The following DGCR8 variants were observed in gnomAD, a reference collection of about 807,000 sequenced individuals.
The protein encoded by DGCR8 is microprocessor complex subunit DGCR8.
DGCR8 carries 14 observed loss-of-function variants against 78.5 expected under a neutral mutation model. The observed-to-expected ratio is 0.18, with a 90% CI of 0.12 to 0.28. DGCR8 has a LOEUF of 0.28. Among genes scored for constraint, DGCR8 ranks in the 10% least tolerant of loss-of-function variants. The pLI is 1.00. For synonymous variants in DGCR8, 399 were observed against 402.4 expected, an observed-to-expected ratio of 0.99 and a Z score of 0.10; for missense variants, 702 against 1,022.5, an observed-to-expected ratio of 0.69 and a Z score of 4.28.
chr22:20,108,801 T>TGC, intron 12 of DGCR8, 89 bp from the exon 13 acceptor site: 15 of 851,684 alleles, frequency 1.8e-5, no homozygotes, highest in Non-Finnish European at 2.6e-5. Context: ...GCGCCTGCCT[T>TGC]CAGGGTCCCA....
chr22:20,087,335 T>C lies in DGCR8; in HGVS notation c.880+14T>C. On this transcript the variant is annotated intron_variant, in intron 3 of 13. Transcript: ENST00000351989. The surrounding 1 kb of genome is among the most constrained non-coding windows in gnomAD (Gnocchi z 4.1). ...CAGTGCTCAAAAGTACGTGTGTGGGTCAGAAGCAGTGGGTGTTCCAGGGCA... is the reference window on the plus strand; with the variant it reads ...CAGTGCTCAAAAGTACGTGTGTGGGCCAGAAGCAGTGGGTGTTCCAGGGCA... The C allele has an allele frequency of 6.3e-7, 1 of 1,589,842 alleles. No individual in the cohort carries two copies. The highest frequency in any genetic ancestry group is 1.7e-4 in the Middle Eastern group (1 of 5,970).
chr22:20,106,927 G>T lies in DGCR8; in HGVS notation c.1996+229G>T, dbSNP rs1034969298. ...TCACCCCTGTCTCCGTCCAGCCCTT[G>T]TCCCTGTGGCAGGAGGAAAGGCCCT... On this transcript the variant is annotated intron_variant, in intron 11 of 13. Transcript: ENST00000351989. The T allele has an allele frequency of 2.1e-5, 12 of 582,718 alleles. No homozygotes were observed. In the Admixed American group the frequency reaches 3.3e-4, roughly 16 times the overall value. The allele number at this position is 582,718 out of a possible 1,614,324, so 36.1% of individuals were successfully genotyped here.
At chr22:20,091,079 G>A (rs1568954858) in intron 5 of DGCR8, among the ~76,000 whole-genome samples, 1 of 152,248 alleles carries the variant, frequency 6.6e-6, no homozygotes, top group Non-Finnish European at 1.5e-5. Flanking sequence ...GGTCAGAGAG[G>A]TGGCGGGCGC....
intron 9 of DGCR8, 67 bp from the exon 10 acceptor site, chr22:20,106,110 G>A (rs1397020186): frequency 4.4e-6 from 6 of 1,364,898 alleles, no homozygotes; most frequent in South Asian, 2.4e-5. Flanking sequence ...AAAGCCAACC[G>A]CAGGCCCAGC....
At chr22:20,094,284 GTC>G (rs2049601393) in intron 8 of DGCR8, among the ~76,000 whole-genome samples, 1 of 152,168 alleles carries the variant, frequency 6.6e-6, no homozygotes. Flanking sequence ...TCCCTCTAGC[GTC>G]TCTCAGACCT....
rs543745803 is a variant in DGCR8 at position 20,109,032 on chromosome 22, C to T, written c.2238+29C>T. ...AGTGCCACCCTAGCGGGAGGGCTGCCGGGCCACGGCCATTCCTGTGGCACC... is the reference window on the plus strand; with the variant it reads ...AGTGCCACCCTAGCGGGAGGGCTGCTGGGCCACGGCCATTCCTGTGGCACC... On this transcript the variant is annotated intron_variant, in intron 13 of 13. Coordinates refer to ENST00000351989, the MANE Select transcript of DGCR8 (RefSeq NM_022720.7). 6.4e-5 allele frequency: 77 copies of T among 1,207,074 alleles called. 1 individual carries two copies. In the South Asian group the frequency reaches 7.3e-4, roughly 11 times the overall value. 74.8% of individuals were successfully genotyped at this position (1,207,074 alleles called of 1,614,324 possible). A position where few individuals can be genotyped will look rare whatever the true frequency, so the allele number is the denominator to read the frequency against.
At chr22:20,090,333 T>G (rs557013793) in intron 5 of DGCR8, 75 bp downstream of exon 5, 7 of 1,478,434 alleles carry the variant, frequency 4.7e-6, no homozygotes, top group African/African-American at 1.4e-5. Flanking sequence ...AAGGCCATAA[T>G]TGTTCATAGT....
In DGCR8 at chr22:20,089,871, TC is replaced by T; in HGVS notation, c.1023+62del. ...AAGTTCTCAGACCAAAACGTGCACA[TC>T]CACACACATGGCACCGCAGCCAAGC... is the stretch of plus-strand genomic sequence containing the variant. On this transcript the variant is annotated intron_variant, in intron 4 of 13. Transcript: ENST00000351989. The surrounding 1 kb of genome is among the most constrained non-coding windows in gnomAD (Gnocchi z 4.9). 7.5e-6 allele frequency: 12 copies of T among 1,599,970 alleles called. No individual in the cohort carries two copies. Among genetic ancestry groups the T allele is most frequent in the Non-Finnish European group, 1.0e-5 (12 of 1,170,212 alleles).
chr22:20,102,614 A>C (rs2049716848), intron 9 of DGCR8, among the ~76,000 whole-genome samples: 1 of 152,002 alleles, frequency 6.6e-6, no homozygotes. Flanking sequence ...CATTGCCCTC[A>C]CACCTTTCTC....
Position 20,110,444 on chromosome 22 carries a change from G to A in DGCR8, c.*336G>A, listed in dbSNP as rs927142558. ...TTTATGAAGGCTTTCATGAATTTTA[G>A]TATGTAATACGCACTGACGACACAT... On this transcript the variant is annotated 3_prime_UTR_variant, in exon 14 of 14. Coordinates refer to ENST00000351989, the MANE Select transcript of DGCR8 (RefSeq NM_022720.7). 7 of 292,036 alleles carry A rather than the reference G, an allele frequency of 2.4e-5. No homozygotes were observed. Among genetic ancestry groups the A allele is most frequent in the African/African-American group, 1.3e-4 (6 of 45,794 alleles). 18.1% of individuals were successfully genotyped at this position (292,036 alleles called of 1,614,324 possible).
chr22:20,093,893 C>T (rs1388159888), intron 8 of DGCR8, among the ~76,000 whole-genome samples: 1 of 152,220 alleles, frequency 6.6e-6, no homozygotes, highest in Admixed American at 6.5e-5. Flanking sequence ...CTCGCACCCA[C>T]AGGTTGATTC....
At chr22:20,093,264 G>A (rs1372677542) in intron 8 of DGCR8, among the ~76,000 whole-genome samples, 1 of 152,076 alleles carries the variant, frequency 6.6e-6, no homozygotes, top group African/African-American at 2.4e-5. Flanking sequence ...AATTAGCCGG[G>A]TGTGGTGGCG....
Position 20,090,258 on chromosome 22 carries a change from G to C in DGCR8, c.1306G>C (p.Asp436His), listed in dbSNP as rs1316326785. Residue 436 changes from aspartate (D) to histidine (H), a missense_variant and splice_region_variant, in exon 5 of 14, where the codon GAT (aspartate) becomes CAT (histidine). Asp to His is a moderately conservative substitution (Grantham distance 81). Transcript: ENST00000351989. ...CGAGGTGTGCAAAGATGAATCCGTT[G>C]GTGAGTTTTTGAAGGACTCTTCCCT... is the stretch of plus-strand genomic sequence containing the variant. ...KVEVCKDESV[D>H]LEEFRSYLEK... The C allele has an allele frequency of 6.3e-7, 1 of 1,589,026 alleles. No homozygotes were observed. The highest frequency in any genetic ancestry group is 1.4e-5 in the African/African-American group (1 of 73,436).
intron 1 of DGCR8, among the ~76,000 whole-genome samples, chr22:20,084,785 T>G (rs1281946713): frequency 6.6e-6 from 1 of 152,248 alleles, no homozygotes; most frequent in Non-Finnish European, 1.5e-5. Context: ...CTTGGCCCAT[T>G]GCCAGGGCCT....
intron 9 of DGCR8, among the ~76,000 whole-genome samples, chr22:20,104,322 G>A (rs1029699537): frequency 1.3e-5 from 2 of 152,086 alleles, no homozygotes; most frequent in Non-Finnish European, 2.9e-5. Flanking sequence ...CTGCCACCGC[G>A]CCCGGCTAAT....
At chr22:20,098,174 A>G (rs1023784009) in intron 9 of DGCR8, among the ~76,000 whole-genome samples, 4 of 151,500 alleles carry the variant, frequency 2.6e-5, no homozygotes, top group Non-Finnish European at 5.9e-5. Context: ...TATATGGGGT[A>G]GAGATGGGGT....
chr22:20,108,793 G>GCCTACCTTGCCAGACCCTGGGCACGC, intron 12 of DGCR8, 97 bp from the exon 13 acceptor site: 2 of 798,346 alleles, frequency 2.5e-6, no homozygotes, highest in Non-Finnish European at 2.2e-6. Flanking sequence ...CCCTGGGCGC[G>GCCTACCTTGCCAGACCCTGGGCACGC]CCTGCCTTCA....
chr22:20,111,088 G>A lies in DGCR8; in HGVS notation c.*980G>A, dbSNP rs1195645355. ...TTCAGTGTAGCCCATTCTTGATCCA[G>A]AGCTGTTGCCTGTGACAGCGGTTTC... On this transcript the variant is annotated 3_prime_UTR_variant, in exon 14 of 14. Transcript: ENST00000351989. 1 of 398,064 alleles carries A rather than the reference G, an allele frequency of 2.5e-6. No individual in the cohort carries two copies. The highest frequency in any genetic ancestry group is 4.4e-6 in the Non-Finnish European group (1 of 226,070). The allele number at this position is 398,064 out of a possible 1,614,324, so 24.7% of individuals were successfully genotyped here.
rs763168480 is a variant in DGCR8 at position 20,086,404 on chromosome 22, G to T, written c.441G>T (p.Glu147Asp). Residue 147 changes from glutamate to aspartate, a missense_variant, in exon 2 of 14, where the codon GAG (glutamate) becomes GAT (aspartate). Glu to Asp is a conservative substitution (Grantham distance 45). This residue lies in a region of DGCR8 where 356 missense variants were observed against 448.9 expected (regional missense o/e 0.79). Coordinates refer to ENST00000351989, the MANE Select transcript of DGCR8 (RefSeq NM_022720.7). The surrounding 1 kb of genome is among the most constrained non-coding windows in gnomAD (Gnocchi z 6.4). ...YTGAERDVRA[E>D]CGLLLSPVSG... ...GAGCAGAGCGCGACGTGCGGGCGGA[G>T]TGCGGTCTGCTCCTTAGCCCTGTCA... 9 of 1,613,914 alleles carry T rather than the reference G, an allele frequency of 5.6e-6. No homozygotes were observed. The South Asian group carries it at 9.9e-5, about 18-fold the overall frequency.
Sources: gnomAD v4.1 joint callset for allele counts (sites outside exome capture counted in the v4.1 genomes callset) on GRCh38, gnomAD v4.1.1 for gene constraint, gnomAD v4.1.1 regional missense constraint, Gnocchi (gnomAD v3.1) non-coding constraint, MANE v1.5 for transcripts, NCBI Gene and HGNC (gene_info 2026-07-23, HGNC 2026-07-21) for gene names.